The following HECW1 variants were observed in gnomAD, a reference collection of about 807,000 sequenced individuals.
HECW1 encodes E3 ubiquitin-protein ligase HECW1.
HECW1 carries 61 observed loss-of-function variants against 182.3 expected under a neutral mutation model. That is an observed-to-expected ratio of 0.33 (90% CI 0.27 to 0.41). The LOEUF (loss-of-function observed/expected upper bound fraction) is 0.41. HECW1 is among the 10% of genes least tolerant of loss of function. HECW1 has a pLI of 1.00. For missense variants in HECW1, 1,739 were observed against 2,108.9 expected, an observed-to-expected ratio of 0.82 and a Z score of 3.44; for synonymous variants, 859 against 832.6, an observed-to-expected ratio of 1.03 and a Z score of -0.55.
At chr7:43,558,347 G>T (rs1460875844) in intron 29 of HECW1, among the ~76,000 whole-genome samples, 2 of 152,206 alleles carry the variant, frequency 1.3e-5, no homozygotes, top group Non-Finnish European at 2.9e-5. Flanking sequence ...TGGCCTAAAA[G>T]TTGCAAACGA....
chr7:43,468,272 C>G (rs774236294), intron 15 of HECW1, among the ~76,000 whole-genome samples: 2 of 152,168 alleles, frequency 1.3e-5, no homozygotes, highest in African/African-American at 2.4e-5. Context: ...AATTAATGCT[C>G]CCCATTTTAG....
intron 2 of HECW1, chr7:43,118,381 A>G (rs1458142504): frequency 6.6e-6 from 1 of 152,598 alleles, no homozygotes; most frequent in African/African-American, 2.4e-5. Context: ...AGAAACATAA[A>G]TCTCAGCCCT....
intron 3 of HECW1, among the ~76,000 whole-genome samples, chr7:43,284,502 C>CAAAAAAA (rs1165081149): frequency 1.9e-5 from 1 of 53,786 alleles, no homozygotes; most frequent in Non-Finnish European, 4.5e-5. Flanking sequence ...CCCATTTCTA[C>CAAAAAAA]AAAAAAAAAA....
At chr7:43,548,732 A>G (rs1339400588) in intron 26 of HECW1, among the ~76,000 whole-genome samples, 2 of 152,202 alleles carry the variant, frequency 1.3e-5, no homozygotes, top group Non-Finnish European at 2.9e-5. Context: ...GCTTGAGGCC[A>G]GGAGCTCAAG....
In HECW1 at chr7:43,293,255, A is replaced by G. The variant is rs1396254407; in HGVS notation, c.28-18508A>G. Among the ~76,000 whole-genome samples the G allele has an allele frequency of 2.6e-5, 4 of 151,902 alleles. No individual in the cohort carries two copies. In the East Asian group the frequency reaches 7.7e-4, roughly 29 times the overall value. ...AAAAAAAGAAAAGAAAAGAAAAAAA[A>G]GAAAATGAAAGTACACTCCACAGTG... On this transcript the variant is annotated intron_variant, in intron 3 of 29. Coordinates refer to ENST00000395891, the MANE Select transcript of HECW1 (RefSeq NM_015052.5).
At chr7:43,456,249 C>A (rs750293463) in intron 12 of HECW1, 48 bp from the exon 13 acceptor site, 19 of 1,566,880 alleles carry the variant, frequency 1.2e-5, no homozygotes, top group Non-Finnish European at 1.3e-5. Flanking sequence ...TCACGTGGGT[C>A]AGTAGTTTGT....
At chr7:43,115,417 A>G (rs1784964653) in intron 2 of HECW1, among the ~76,000 whole-genome samples, 1 of 151,836 alleles carries the variant, frequency 6.6e-6, no homozygotes, top group African/African-American at 2.4e-5. Flanking sequence ...ATTCATTCCA[A>G]CCCCATCTTA....
chr7:43,324,208 T>C (rs780294360), intron 5 of HECW1, among the ~76,000 whole-genome samples: 10 of 152,162 alleles, frequency 6.6e-5, no homozygotes, highest in Non-Finnish European at 1.3e-4. Flanking sequence ...GAAAGTGCAA[T>C]GGGAAAGGCA....
chr7:43,381,445 C>T (rs948100823), intron 6 of HECW1, among the ~76,000 whole-genome samples: 1 of 151,906 alleles, frequency 6.6e-6, no homozygotes, highest in East Asian at 1.9e-4. Context: ...CCTTTGCCTC[C>T]TGAGTAGCTA....
intron 24 of HECW1, among the ~76,000 whole-genome samples, chr7:43,526,568 TAACA>T (rs1273064914): frequency 2.0e-5 from 3 of 152,312 alleles, no homozygotes; most frequent in African/African-American, 7.2e-5. Context: ...AAAGAGATAA[TAACA>T]TTTAAAGGGT....
chr7:43,491,789 C>T (rs1040544073), intron 17 of HECW1, among the ~76,000 whole-genome samples: 1 of 152,148 alleles, frequency 6.6e-6, no homozygotes, highest in Non-Finnish European at 1.5e-5. Context: ...GATGGGGTTT[C>T]ACTATGTTGG....
intron 2 of HECW1, among the ~76,000 whole-genome samples, chr7:43,195,886 C>T (rs1054230533): frequency 4.6e-5 from 7 of 152,226 alleles, no homozygotes; most frequent in African/African-American, 1.7e-4. Flanking sequence ...CCCATTTTTA[C>T]ACCAAATATA....
At chr7:43,454,166 C>G (rs922529161) in intron 12 of HECW1, among the ~76,000 whole-genome samples, 1 of 152,200 alleles carries the variant, frequency 6.6e-6, no homozygotes, top group African/African-American at 2.4e-5. Context: ...CTGCGAAGGA[C>G]CCCTTTCTTT....
At position 43,248,033 on chromosome 7, in the gene HECW1, AAGGG is replaced by A. The variant is rs543346841; in HGVS notation, c.27+4112_27+4115del. On this transcript the variant is annotated intron_variant, in intron 3 of 29. Transcript: ENST00000395891. The stretch of plus-strand genomic sequence containing the variant: ...AGAGAGAAAGAAGAAAGCAAGCAAG[AAGGG>A]AGGGAGGGAGAGAGGAAGGAAGGAA... 1.1e-3 allele frequency among the ~76,000 whole-genome samples: 143 copies of A among 134,930 alleles called. 3 individuals carry two copies. The highest frequency in any genetic ancestry group is 3.8e-3 in the African/African-American group (139 of 36,974). 88.5% of individuals were successfully genotyped at this position (134,930 alleles called of 152,430 possible).
chr7:43,511,236 TCTCC>T (rs1357675523), intron 24 of HECW1: 2 of 152,224 alleles, frequency 1.3e-5, no homozygotes, highest in African/African-American at 4.8e-5. Context: ...CCACTGATGT[TCTCC>T]CTCATGTGGA....
intron 2 of HECW1, among the ~76,000 whole-genome samples, chr7:43,225,801 T>C (rs919301347): frequency 4.6e-5 from 7 of 152,288 alleles, no homozygotes; most frequent in Non-Finnish European, 8.8e-5. Flanking sequence ...CTTTTTTTTT[T>C]TGGGACAGGG....
intron 6 of HECW1, among the ~76,000 whole-genome samples, chr7:43,396,394 C>T (rs1233747642): frequency 1.3e-5 from 2 of 152,192 alleles, no homozygotes; most frequent in African/African-American, 2.4e-5. Context: ...AGTGGAGATG[C>T]AGCAGTTCAA....
intron 2 of HECW1, among the ~76,000 whole-genome samples, chr7:43,182,255 A>G (rs1792942948): frequency 5.3e-5 from 8 of 152,216 alleles, no homozygotes; most frequent in Admixed American, 5.2e-4. Flanking sequence ...CATTTCCCCA[A>G]TGTTTTCTTC....
At chr7:43,471,214 A>C (rs12533232) in intron 16 of HECW1, among the ~76,000 whole-genome samples, 26,405 of 152,166 alleles carry the variant, frequency 0.17, 2,418 homozygotes, top group Middle Eastern at 0.3. Flanking sequence ...TGATAAGGGG[A>C]ATAGATTGAG....
Sources: gnomAD v4.1 joint callset for allele counts (sites outside exome capture counted in the v4.1 genomes callset) on GRCh38, gnomAD v4.1.1 for gene constraint, MANE v1.5 for transcripts, NCBI Gene and HGNC (gene_info 2026-07-23, HGNC 2026-07-21) for gene names.